The following FERRY3 variants were observed in gnomAD, a reference collection of about 807,000 sequenced individuals.
FERRY3 encodes protein C12orf4.
chr12:4,531,651 T>C, the FERRY3 span, among the ~76,000 whole-genome samples: 3 of 152,240 alleles, frequency 2.0e-5, no homozygotes, highest in African/African-American at 7.2e-5. Context: ...GTCCAGGCCA[T>C]TATTTCTCCA....
At chr12:4,516,170 C>T in the FERRY3 span, among the ~76,000 whole-genome samples, 5 of 152,002 alleles carry the variant, frequency 3.3e-5, no homozygotes, top group Non-Finnish European at 7.4e-5. Flanking sequence ...TTTCCAATCC[C>T]CTCTGTAGTA....
the FERRY3 span, among the ~76,000 whole-genome samples, chr12:4,524,692 C>A: frequency 6.6e-6 from 1 of 152,174 alleles, no homozygotes; most frequent in East Asian, 1.9e-4. Context: ...GATACATAGC[C>A]AGGAAATAAC....
chr12:4,509,621 C>T, the FERRY3 span, among the ~76,000 whole-genome samples: 2 of 143,128 alleles, frequency 1.4e-5, 1 homozygote, highest in Non-Finnish European at 3.0e-5. Context: ...CTGGGAGGCA[C>T]CCCCCGGCAG....
At chr12:4,515,687 A>G in the FERRY3 span, among the ~76,000 whole-genome samples, 3 of 152,172 alleles carry the variant, frequency 2.0e-5, no homozygotes, top group African/African-American at 7.2e-5. Flanking sequence ...CAAGGGGTAC[A>G]AAGTTTCAGC....
chr12:4,525,576 T>G, the FERRY3 span: 2 of 1,608,128 alleles, frequency 1.2e-6, no homozygotes, highest in South Asian at 2.2e-5. Flanking sequence ...TCCATTTCAA[T>G]ACCTTGTCTA....
the FERRY3 span, chr12:4,518,840 C>T: frequency 1.9e-6 from 3 of 1,593,440 alleles, no homozygotes; most frequent in African/African-American, 1.3e-5. Flanking sequence ...ATTGCTTCTA[C>T]AGATTCTCTG....
chr12:4,504,127 C>T, the FERRY3 span, among the ~76,000 whole-genome samples: 24 of 152,300 alleles, frequency 1.6e-4, 2 homozygotes, highest in East Asian at 4.4e-3. Context: ...TGGCCACAGG[C>T]TAACAGACGG....
chr12:4,536,265 T>G, the FERRY3 span: 4 of 1,042,392 alleles, frequency 3.8e-6, no homozygotes, highest in East Asian at 1.2e-4. Flanking sequence ...AAATTATGTT[T>G]CATTATTGCT....
the FERRY3 span, among the ~76,000 whole-genome samples, chr12:4,537,924 G>A: frequency 6.6e-6 from 1 of 151,826 alleles, no homozygotes; most frequent in East Asian, 1.9e-4. Context: ...CCCCAAACTG[G>A]AAACAACCAA....
chr12:4,487,802 G>A, the FERRY3 span: 1 of 152,000 alleles, frequency 6.6e-6, no homozygotes, highest in African/African-American at 2.4e-5. Flanking sequence ...GTTGAACAGA[G>A]TGCCATCTGT....
the FERRY3 span, among the ~76,000 whole-genome samples, chr12:4,494,259 G>A: frequency 2.3e-4 from 35 of 151,988 alleles, no homozygotes; most frequent in African/African-American, 8.2e-4. Flanking sequence ...GAGGTACAGC[G>A]AATTGCTTAT....
the FERRY3 span, among the ~76,000 whole-genome samples, chr12:4,521,087 G>A: frequency 6.6e-6 from 1 of 152,144 alleles, no homozygotes; most frequent in Admixed American, 6.5e-5. Context: ...TAGGCTGGGT[G>A]CGGTGGCTCA....
chr12:4,493,858 C>T, the FERRY3 span, among the ~76,000 whole-genome samples: 429 of 152,134 alleles, frequency 2.8e-3, 4 homozygotes, highest in African/African-American at 9.8e-3. Context: ...TTTGGGAGGC[C>T]GAGGCAGGCG....
the FERRY3 span, among the ~76,000 whole-genome samples, chr12:4,511,588 C>G: frequency 6.7e-6 from 1 of 149,216 alleles, no homozygotes; most frequent in African/African-American, 2.5e-5. Flanking sequence ...AAGAATCTCA[C>G]TCAAAGCCGC....
the FERRY3 span, among the ~76,000 whole-genome samples, chr12:4,492,971 G>A: frequency 4.0e-5 from 6 of 151,856 alleles, no homozygotes; most frequent in Non-Finnish European, 2.9e-5. Context: ...GCCTAAACAT[G>A]GTCTGCAATG....
chr12:4,531,077 A>T, the FERRY3 span, among the ~76,000 whole-genome samples: 1 of 152,154 alleles, frequency 6.6e-6, no homozygotes, highest in African/African-American at 2.4e-5. Flanking sequence ...AAACAAACAC[A>T]TCACATAAAC....
chr12:4,517,686 T>A, the FERRY3 span, among the ~76,000 whole-genome samples: 2 of 133,320 alleles, frequency 1.5e-5, no homozygotes, highest in African/African-American at 3.2e-5. Flanking sequence ...GTTATTAAAA[T>A]ATATATATAT....
the FERRY3 span, chr12:4,500,128 A>G: frequency 5.0e-6 from 8 of 1,603,226 alleles, no homozygotes; most frequent in South Asian, 2.2e-5. Context: ...GGATTTTTCT[A>G]TCTGCTTACC....
chr12:4,517,983 T>G, the FERRY3 span: 1 of 1,396,112 alleles, frequency 7.2e-7, no homozygotes, highest in South Asian at 1.3e-5. Context: ...TCATTTTCCC[T>G]GTAATTCCTT....
Sources: gnomAD v4.1 joint callset for allele counts (sites outside exome capture counted in the v4.1 genomes callset) on GRCh38, gnomAD v4.1.1 for gene constraint, MANE v1.5 for transcripts, NCBI Gene and HGNC (gene_info 2026-07-23, HGNC 2026-07-21) for gene names.